The following CACNA2D3 variants were observed in gnomAD, a reference collection of about 807,000 sequenced individuals.
CACNA2D3 encodes the protein calcium voltage-gated channel auxiliary subunit alpha2delta 3.
Under a neutral mutation model 160.6 loss-of-function variants are expected in CACNA2D3, and 60 were observed. The observed-to-expected ratio is 0.37, with a 90% CI of 0.30 to 0.46. The LOEUF (loss-of-function observed/expected upper bound fraction) is 0.46, where lower values mean the gene tolerates loss of function less well. CACNA2D3 is among the 20% of genes least tolerant of loss of function. The pLI is 1.00. For synonymous variants in CACNA2D3, 558 were observed against 492.9 expected (o/e 1.13, Z -1.75); for missense variants, 1,205 against 1,365.0 (o/e 0.88, Z 1.85).
At chr3:54,466,748 G>A (rs1700634637) in intron 4 of CACNA2D3, among the ~76,000 whole-genome samples, 2 of 152,218 alleles carry the variant, frequency 1.3e-5, no homozygotes, top group South Asian at 2.1e-4. Flanking sequence ...GCTGCGTTGA[G>A]TTTTGTTAGT....
chr3:54,185,595 C>G (rs1700867411), intron 2 of CACNA2D3, among the ~76,000 whole-genome samples: 1 of 152,010 alleles, frequency 6.6e-6, no homozygotes, highest in African/African-American at 2.4e-5. Context: ...TCCTGTAGAC[C>G]AAAGGATCAA....
intron 22 of CACNA2D3, 36 bp from the exon 23 acceptor site, chr3:54,885,453 G>T (rs2293662): frequency 3.1e-6 from 5 of 1,600,634 alleles, no homozygotes; most frequent in Non-Finnish European, 3.4e-6. Flanking sequence ...TGTAAATATT[G>T]ACATGCTCTT....
chr3:54,736,014 TATACAC>T (rs1482648685), intron 11 of CACNA2D3, among the ~76,000 whole-genome samples: 2 of 91,614 alleles, frequency 2.2e-5, no homozygotes, highest in African/African-American at 8.7e-5. Context: ...TATGTATATA[TATACAC>T]ATACATATAT....
chr3:54,725,920 A>C (rs1701266768), intron 11 of CACNA2D3, among the ~76,000 whole-genome samples: 1 of 152,176 alleles, frequency 6.6e-6, no homozygotes, highest in Non-Finnish European at 1.5e-5. Flanking sequence ...TAGGGCAATC[A>C]GGCAAGGGAA....
At chr3:54,532,148 T>C (rs537104294) in intron 5 of CACNA2D3, among the ~76,000 whole-genome samples, 22 of 152,308 alleles carry the variant, frequency 1.4e-4, no homozygotes, top group Admixed American at 1.0e-3. Context: ...AGAGATCCAA[T>C]TGTTACTGTG....
intron 4 of CACNA2D3, among the ~76,000 whole-genome samples, chr3:54,473,995 C>A (rs1700783398): frequency 6.6e-6 from 1 of 152,158 alleles, no homozygotes; most frequent in African/African-American, 2.4e-5. Context: ...TGTGGTTATT[C>A]CTCAGGGATC....
chr3:54,577,829 C>T (rs776879358), intron 8 of CACNA2D3, among the ~76,000 whole-genome samples: 10 of 152,136 alleles, frequency 6.6e-5, no homozygotes, highest in Non-Finnish European at 1.3e-4. Context: ...GATTTGAACC[C>T]GGGCCTGCCT....
In CACNA2D3 at chr3:54,866,279, T is replaced by C. The variant is rs145395746; in HGVS notation, c.1627-5260T>C. ...AGTGCCCTGTGGCCATTGGTCCTTA[T>C]CTCTTGCATATGGAGGAGTAAGGCG... On this transcript the variant is annotated intron_variant, in intron 17 of 37. Coordinates refer to ENST00000474759, the MANE Select transcript of CACNA2D3 (RefSeq NM_018398.3). Among the ~76,000 whole-genome samples the C allele has an allele frequency of 4.8e-3, 738 of 152,300 alleles. 4 individuals carry two copies. Among genetic ancestry groups the C allele is most frequent in the African/African-American group, 0.017 (698 of 41,548 alleles).
chr3:54,947,332 G>T (rs1350899092), intron 27 of CACNA2D3, among the ~76,000 whole-genome samples: 1 of 152,134 alleles, frequency 6.6e-6, no homozygotes, highest in African/African-American at 2.4e-5. Flanking sequence ...TCCAAGCAGT[G>T]CTAATGCAAA....
At chr3:54,925,239 G>A (rs773406429) in intron 27 of CACNA2D3, 5 of 1,584,744 alleles carry the variant, frequency 3.2e-6, no homozygotes, top group African/African-American at 1.3e-5. Flanking sequence ...AAAGAAATTG[G>A]GATAGGAACC....
intron 4 of CACNA2D3, among the ~76,000 whole-genome samples, chr3:54,405,269 T>TAAAA (rs34019072): frequency 2.0e-5 from 2 of 100,922 alleles, no homozygotes; most frequent in Non-Finnish European, 2.2e-5. Context: ...TACTACTCAG[T>TAAAA]AAAAAAAAAA....
At chr3:54,731,419 G>A (rs1416397274) in intron 11 of CACNA2D3, among the ~76,000 whole-genome samples, 1 of 151,900 alleles carries the variant, frequency 6.6e-6, no homozygotes, top group Non-Finnish European at 1.5e-5. Context: ...AAGACTCTAT[G>A]TACCCCAAAA....
At chr3:55,040,228 C>G (rs1040519858) in intron 35 of CACNA2D3, among the ~76,000 whole-genome samples, 1 of 152,066 alleles carries the variant, frequency 6.6e-6, no homozygotes, top group Non-Finnish European at 1.5e-5. Flanking sequence ...AATTACCTCC[C>G]AAAGGCCCTG....
rs780702411 is a variant in CACNA2D3, at chr3:54,888,032, C to T, written c.2130C>T (p.Ser710=). 45 of 1,613,748 alleles carry T rather than the reference C, an allele frequency of 2.8e-5. 2 individuals are homozygous for T. The highest frequency in any genetic ancestry group is 1.9e-5 in the Non-Finnish European group (23 of 1,179,696). The change falls in exon 24 of 38, where the codon AGC becomes AGT. Residue 710 remains serine (S), a synonymous_variant. Coordinates refer to ENST00000474759, the MANE Select transcript of CACNA2D3 (RefSeq NM_018398.3). ...CCCCCATTGAAGCGTATTGGACCAG[C>T]CTGGCCCTCAACAAATCTGAGTAAG... is the stretch of plus-strand genomic sequence containing the variant. ...VSAPIEAYWT[S]LALNKSENSD...
chr3:54,871,725 A>G (rs1333927433), intron 18 of CACNA2D3, 103 bp downstream of exon 18: 2 of 795,520 alleles, frequency 2.5e-6, no homozygotes, highest in Admixed American at 2.4e-5. Context: ...CACTGAAGGG[A>G]CACCTGGCTA....
At chr3:54,811,546 G>A (rs1012506375) in intron 13 of CACNA2D3, among the ~76,000 whole-genome samples, 4 of 137,894 alleles carry the variant, frequency 2.9e-5, no homozygotes, top group African/African-American at 5.5e-5. Flanking sequence ...CACCCAGGCT[G>A]GAGTGCAGTG....
chr3:54,762,140 G>T (rs975132803), intron 12 of CACNA2D3, among the ~76,000 whole-genome samples: 3 of 152,040 alleles, frequency 2.0e-5, no homozygotes, highest in African/African-American at 7.2e-5. Flanking sequence ...GACTACCTGC[G>T]TATAGGATAA....
chr3:54,910,415 A>AC (rs1700531208), intron 27 of CACNA2D3, among the ~76,000 whole-genome samples: 1 of 152,108 alleles, frequency 6.6e-6, no homozygotes, highest in Non-Finnish European at 1.5e-5. Flanking sequence ...ACAATGAAAT[A>AC]TTCCTCATGA....
intron 10 of CACNA2D3, among the ~76,000 whole-genome samples, chr3:54,631,820 A>G (rs1259323095): frequency 6.6e-6 from 1 of 152,252 alleles, no homozygotes; most frequent in Admixed American, 6.5e-5. Flanking sequence ...GTTAGCATCT[A>G]CCTTGTCATG....
Sources: allele counts gnomAD v4.1 joint callset (sites outside exome capture counted in the v4.1 genomes callset), GRCh38; gene constraint gnomAD v4.1.1; transcripts MANE v1.5; gene names NCBI Gene and HGNC (gene_info 2026-07-23, HGNC 2026-07-21).